The following ARAP2 variants were observed in gnomAD, a reference collection of about 807,000 sequenced individuals.
The protein encoded by ARAP2 is ArfGAP with RhoGAP domain, ankyrin repeat and PH domain 2.
ARAP2 carries 148 observed loss-of-function variants against 194.5 expected under a neutral mutation model. The observed-to-expected ratio is 0.76, with a 90% confidence interval of 0.67 to 0.87. The LOEUF (loss-of-function observed/expected upper bound fraction) is 0.87. ARAP2 is among the 40% of genes least tolerant of loss of function. The pLI is 0.00. For missense variants in ARAP2, 2,128 were observed against 1,989.7 expected (o/e 1.07, Z -1.32); for synonymous variants, 695 against 683.5 (o/e 1.02, Z -0.26).
chr4:36,213,424 G>A lies in ARAP2; in HGVS notation c.965-105C>T, dbSNP rs73128484. 2,557 of 789,828 alleles carry A rather than the reference G, an allele frequency of 3.2e-3. 49 individuals are homozygous for A. The African/African-American group carries it at 0.041, about 13-fold the overall frequency. 48.9% of individuals were successfully genotyped at this position (789,828 alleles called of 1,614,324 possible). On this transcript the variant is annotated intron_variant, in intron 3 of 32. Transcript: ENST00000303965. ...GAGTTTTTTATGGCATTATCACAAC[G>A]TAAGCTTTATTCTGTAAGAGTCCAA...
At chr4:36,125,103 C>A (rs1000972662) in intron 21 of ARAP2, 136 bp from the exon 22 acceptor site, 6 of 545,764 alleles carry the variant, frequency 1.1e-5, no homozygotes, top group Middle Eastern at 4.4e-4. Flanking sequence ...AGTAGACAAT[C>A]GTTCAAAGTT....
At chr4:36,214,575 T>TTTC in intron 2 of ARAP2, 95 bp from the exon 3 acceptor site, 1 of 764,590 alleles carries the variant, frequency 1.3e-6, no homozygotes, top group South Asian at 2.6e-5. Flanking sequence ...GAGAAAATAT[T>TTTC]TATGATTTAT....
intron 2 of ARAP2, among the ~76,000 whole-genome samples, chr4:36,056,807 G>T (rs1464926523): frequency 6.6e-6 from 1 of 151,852 alleles, no homozygotes; most frequent in South Asian, 2.1e-4. Context: ...CTTTTAGCAG[G>T]TACCTCAGAA....
intron 2 of ARAP2, among the ~76,000 whole-genome samples, chr4:36,053,327 A>G (rs1252077715): frequency 1.3e-5 from 2 of 152,154 alleles, no homozygotes; most frequent in African/African-American, 4.8e-5. Context: ...TTTATAAAAA[A>G]AAAAAAATTT....
intron 29 of ARAP2, 129 bp downstream of exon 29, chr4:36,083,239 C>G (rs1730020281): frequency 2.9e-6 from 2 of 685,076 alleles, no homozygotes; most frequent in Non-Finnish European, 4.9e-6. Context: ...ACAGGGGAAG[C>G]AACTTAAAAA....
chr4:36,168,806 A>G (rs1332186886), intron 9 of ARAP2, among the ~76,000 whole-genome samples: 2 of 152,216 alleles, frequency 1.3e-5, no homozygotes, highest in Non-Finnish European at 2.9e-5. Context: ...TAAAATAATT[A>G]GAATGGGAGT....
chr4:36,173,327 T>C (rs931458418), intron 9 of ARAP2, among the ~76,000 whole-genome samples: 6 of 152,186 alleles, frequency 3.9e-5, no homozygotes, highest in Non-Finnish European at 2.9e-5. Flanking sequence ...TTTAAATATA[T>C]GTCCATATTT....
At chr4:36,007,007 C>T (rs1465505016) in exon 10 of ARAP2, 1 of 151,946 alleles carries the variant, frequency 6.6e-6, no homozygotes, top group Non-Finnish European at 1.5e-5. Context: ...GTGATCAGGC[C>T]ATTGCACCTC....
chr4:36,013,746 T>G (rs1269870183), intron 8 of ARAP2, among the ~76,000 whole-genome samples: 1 of 152,098 alleles, frequency 6.6e-6, no homozygotes, highest in Non-Finnish European at 1.5e-5. Context: ...AGGCAATAAT[T>G]GGTGGACAAC....
At chr4:36,125,363 T>C (rs1025748646) in intron 21 of ARAP2, among the ~76,000 whole-genome samples, 4 of 152,022 alleles carry the variant, frequency 2.6e-5, no homozygotes, top group African/African-American at 7.2e-5. Context: ...ACTCTGGCTA[T>C]GGAAATGTTT....
chr4:36,052,644 C>A (rs1650041347), intron 2 of ARAP2, among the ~76,000 whole-genome samples: 1 of 152,090 alleles, frequency 6.6e-6, no homozygotes, highest in South Asian at 2.1e-4. Flanking sequence ...TAATGAACAC[C>A]CCAAAATTCA....
At chr4:36,098,253 T>C (rs913435164) in intron 27 of ARAP2, among the ~76,000 whole-genome samples, 2 of 152,214 alleles carry the variant, frequency 1.3e-5, no homozygotes, top group African/African-American at 4.8e-5. Context: ...TTACCCTCCA[T>C]GTCCAGGCAG....
intron 32 of ARAP2, among the ~76,000 whole-genome samples, chr4:36,071,851 TC>T (rs970713759): frequency 6.8e-6 from 1 of 147,638 alleles, no homozygotes; most frequent in Non-Finnish European, 1.5e-5. Flanking sequence ...CCCTCCCCGC[TC>T]CCCCCACCCC....
At chr4:36,238,798 G>A (rs1054799055) in intron 1 of ARAP2, among the ~76,000 whole-genome samples, 1 of 152,144 alleles carries the variant, frequency 6.6e-6, no homozygotes, top group African/African-American at 2.4e-5. Context: ...AATTTATTTT[G>A]CATCTATCAC....
chr4:36,086,434 AGAG>A (rs538099938), intron 28 of ARAP2, among the ~76,000 whole-genome samples: 53 of 152,166 alleles, frequency 3.5e-4, no homozygotes, highest in Non-Finnish European at 6.9e-4. Flanking sequence ...ATATAATTTG[AGAG>A]GAGATCAGCA....
chr4:36,098,612 T>C (rs1715982962), intron 27 of ARAP2, among the ~76,000 whole-genome samples: 1 of 152,074 alleles, frequency 6.6e-6, no homozygotes, highest in Non-Finnish European at 1.5e-5. Flanking sequence ...TAAAATATAA[T>C]ATTTAAGTTC....
chr4:36,087,147 T>G (rs1712100452), intron 28 of ARAP2, among the ~76,000 whole-genome samples: 1 of 152,118 alleles, frequency 6.6e-6, no homozygotes, highest in African/African-American at 2.4e-5. Flanking sequence ...TTACTGTTGA[T>G]AATTTACTAT....
chr4:36,199,700 A>C (rs1743952855), intron 6 of ARAP2, among the ~76,000 whole-genome samples: 1 of 152,204 alleles, frequency 6.6e-6, no homozygotes, highest in South Asian at 2.1e-4. Flanking sequence ...TTCCACATAT[A>C]CATAGATACC....
intron 7 of ARAP2, among the ~76,000 whole-genome samples, chr4:36,192,168 G>GTTTTT (rs569144058): frequency 1.6e-4 from 16 of 100,678 alleles, no homozygotes; most frequent in African/African-American, 4.9e-4. Flanking sequence ...CAGTGTTTCT[G>GTTTTT]TTTTTTTTTT....
Sources: gnomAD v4.1 joint callset for allele counts (sites outside exome capture counted in the v4.1 genomes callset) on GRCh38, gnomAD v4.1.1 for gene constraint, MANE v1.5 for transcripts, NCBI Gene and HGNC (gene_info 2026-07-23, HGNC 2026-07-21) for gene names.